SPRED3: variants seen among roughly 807,000 people sequenced by gnomAD.
SPRED3 encodes sprouty-related, EVH1 domain-containing protein 3.
SPRED3 carries 23 observed loss-of-function variants against 37.6 expected under a neutral mutation model. The observed-to-expected ratio is 0.61, with a 90% confidence interval of 0.44 to 0.87. The LOEUF (loss-of-function observed/expected upper bound fraction) is 0.87. SPRED3 is among the 40% of genes least tolerant of loss of function. SPRED3 has a pLI of 0.00. For synonymous variants in SPRED3, 302 were observed against 279.6 expected (o/e 1.08, Z -0.80); for missense variants, 584 against 618.6 (o/e 0.94, Z 0.59).
At position 38,395,603 on chromosome 19, in the gene SPRED3, C is replaced by T. The variant is rs539764306; in HGVS notation, c.691C>T (p.Pro231Ser). 110 of 1,551,950 alleles carry T rather than the reference C, an allele frequency of 7.1e-5. 1 individual carries two copies. The East Asian group carries it at 1.4e-3, about 19-fold the overall frequency. Residue 231 changes from proline to serine, a missense_variant, in exon 6 of 6, where the codon CCC (proline) becomes TCC (serine). Pro to Ser is a moderately conservative substitution (Grantham distance 74). Coordinates refer to ENST00000691638, the MANE Select transcript of SPRED3 (RefSeq NM_001394336.1). The surrounding 1 kb of genome is among the most constrained non-coding windows in gnomAD (Gnocchi z 5.2). The part of the protein sequence containing the change: ...EDYRRSGPPA[P>S]LALSTCVVRF... ...TTACCGGCGCTCCGGGCCACCCGCG[C>T]CCCTCGCCCTGTCCACCTGCGTCGT...
At chr19:38,394,214 T>G in intron 4 of SPRED3, 6 of 1,295,898 alleles carry the variant, frequency 4.6e-6, no homozygotes, top group Non-Finnish European at 6.1e-6. Context: ...AATAACAGTG[T>G]GGGGCTGGGA....
Position 38,395,834 on chromosome 19 carries a change from G to T in SPRED3, c.922G>T (p.Ala308Ser). 1 of 1,472,442 alleles carries T rather than the reference G, an allele frequency of 6.8e-7. No individual in the cohort carries two copies. The highest frequency in any genetic ancestry group is 8.9e-7 in the Non-Finnish European group (1 of 1,120,204). 91.2% of individuals were successfully genotyped at this position (1,472,442 alleles called of 1,614,324 possible). The change falls in exon 6 of 6, where the codon GCA (alanine) becomes TCA (serine). Residue 308 changes from alanine (A) to serine (S), a missense_variant. By Grantham distance (99) the Ala-to-Ser change is moderately conservative. Transcript: ENST00000691638. The surrounding 1 kb of genome is among the most constrained non-coding windows in gnomAD (Gnocchi z 5.2). ...VHCRALFRRR[A>S]DGRGGRCAEA... ...TTGCCGCGCGCTCTTCCGTCGCAGA[G>T]CAGACGGGCGTGGCGGCCGCTGCGC...
Position 38,397,061 on chromosome 19 carries a change from A to G in SPRED3, c.*916A>G, listed in dbSNP as rs1970907023. On this transcript the variant is annotated 3_prime_UTR_variant, in exon 6 of 6. Transcript: ENST00000691638. ...CACCCACCCCCAAGCCAGGGTTCTC[A>G]GGAGCTTTGGATATCATTTATAGGA... 1 of 152,180 alleles carries G rather than the reference A, an allele frequency of 6.6e-6. No homozygotes were observed. Among genetic ancestry groups the G allele is most frequent in the African/African-American group, 2.4e-5 (1 of 41,430 alleles). The allele number at this position is 152,180 out of a possible 1,614,324, so 9.4% of individuals were successfully genotyped here.
In SPRED3 at chr19:38,390,399, C is replaced by A; in HGVS notation, c.97C>A (p.Arg33=). Residue 33 remains arginine (R), a synonymous_variant, in exon 2 of 6, where the codon CGG becomes AGG. Coordinates refer to ENST00000691638, the MANE Select transcript of SPRED3 (RefSeq NM_001394336.1). ...GGGCCTCAGCCAGGTGAGCGTGTGT[C>A]GGGTCCGAGGGGCCAGGCCCGAGGG... The part of the protein sequence containing the change: ...GGGLSQVSVC[R]VRGARPEGGA... 7.2e-7 allele frequency: 1 copy of A among 1,385,876 alleles called. No individual in the cohort carries two copies. The highest frequency in any genetic ancestry group is 9.4e-7 in the Non-Finnish European group (1 of 1,065,706). The allele number at this position is 1,385,876 out of a possible 1,614,324, so 85.8% of individuals were successfully genotyped here. A position where few individuals can be genotyped will look rare whatever the true frequency, so the allele number is the denominator to read the frequency against.
chr19:38,398,669 GAAGATCTGGTGTCCTGTATGGGGGCCTC>G lies in SPRED3; in HGVS notation c.*2528_*2555del, dbSNP rs561018604. Reference sequence around the variant, plus strand: ...AGTGAAATGGGGCTTCCAGTGGATCGAAGATCTGGTGTCCTGTATGGGGGCCTCAAGGTCTTGGAGCAAGACAGTCTCA... The same window carrying G: ...AGTGAAATGGGGCTTCCAGTGGATCGAAGGTCTTGGAGCAAGACAGTCTCA... On this transcript the variant is annotated 3_prime_UTR_variant, in exon 6 of 6. Coordinates refer to ENST00000691638, the MANE Select transcript of SPRED3 (RefSeq NM_001394336.1). 3.0e-4 allele frequency: 46 copies of G among 152,292 alleles called. No individual in the cohort carries two copies. Among genetic ancestry groups the G allele is most frequent in the African/African-American group, 1.1e-3 (46 of 41,546 alleles). The allele number at this position is 152,292 out of a possible 1,614,324, so 9.4% of individuals were successfully genotyped here.
chr19:38,391,019 G>A (rs1014558067), intron 2 of SPRED3, among the ~76,000 whole-genome samples: 15 of 151,986 alleles, frequency 9.9e-5, no homozygotes, highest in Non-Finnish European at 1.9e-4. Flanking sequence ...TAGGGATGTA[G>A]TAGAAAGATA....
chr19:38,394,862 C>T lies in SPRED3; in HGVS notation c.567+76C>T, dbSNP rs1423979276. On this transcript the variant is annotated intron_variant, in intron 5 of 5. Transcript: ENST00000691638. ...GGCCCGAAGGGAGCGGGAGCCATGGCCCGGGGAGGTGGGGAACACAGATTC... is the reference window on the plus strand; with the variant it reads ...GGCCCGAAGGGAGCGGGAGCCATGGTCCGGGGAGGTGGGGAACACAGATTC... The T allele has an allele frequency of 1.7e-5, 24 of 1,440,202 alleles. No homozygotes were observed. In the South Asian group the frequency reaches 3.1e-4, roughly 19 times the overall value. The allele number at this position is 1,440,202 out of a possible 1,614,324, so 89.2% of individuals were successfully genotyped here. A position where few individuals can be genotyped will look rare whatever the true frequency, so the allele number is the denominator to read the frequency against.
Position 38,395,986 on chromosome 19 carries a change from G to T in SPRED3, c.1074G>T (p.Pro358=). The T allele has an allele frequency of 1.9e-5, 27 of 1,442,798 alleles. No homozygotes were observed. The highest frequency in any genetic ancestry group is 2.4e-5 in the Non-Finnish European group (26 of 1,102,354). 89.4% of individuals were successfully genotyped at this position (1,442,798 alleles called of 1,614,324 possible). ...GDFSDPCACE[P]GHPRPAARWA... ...TCTCGGACCCGTGCGCCTGCGAGCC[G>T]GGCCACCCGCGCCCCGCCGCGCGCT... The change falls in exon 6 of 6, where the codon CCG becomes CCT. Residue 358 remains proline (P), a synonymous_variant. Coordinates refer to ENST00000691638, the MANE Select transcript of SPRED3 (RefSeq NM_001394336.1). The surrounding 1 kb of genome is among the most constrained non-coding windows in gnomAD (Gnocchi z 5.2).
chr19:38,389,420 C>G (rs1970794651), intron 1 of SPRED3, among the ~76,000 whole-genome samples: 1 of 144,342 alleles, frequency 6.9e-6, no homozygotes, highest in South Asian at 2.1e-4. Flanking sequence ...ACACTGATCC[C>G]GATTACTGGG....
Position 38,390,324 on chromosome 19 carries a change from G to T in SPRED3, c.22G>T (p.Val8Leu). The change falls in exon 2 of 6, where the codon GTG (valine) becomes TTG (leucine). Residue 8 changes from valine to leucine, a missense_variant. Around this residue, in one of 7 missense-constraint regions of SPRED3, gnomAD observed 20 missense variants for 39.0 expected, o/e 0.51. Coordinates refer to ENST00000691638, the MANE Select transcript of SPRED3 (RefSeq NM_001394336.1). MVRVRAVVMARDDSSGGW... is the reference protein window; with the variant it reads MVRVRAVLMARDDSSGGW... The stretch of plus-strand genomic sequence containing the variant: ...GTACATGGTGCGGGTCCGAGCTGTG[G>T]TGATGGCCCGAGATGACTCCAGTGG... 2 of 1,366,248 alleles carry T rather than the reference G, an allele frequency of 1.5e-6. No individual in the cohort carries two copies. Among genetic ancestry groups the T allele is most frequent in the Non-Finnish European group, 1.9e-6 (2 of 1,052,166 alleles). The allele number at this position is 1,366,248 out of a possible 1,614,324, so 84.6% of individuals were successfully genotyped here. A position where few individuals can be genotyped will look rare whatever the true frequency, so the allele number is the denominator to read the frequency against.
rs576492940 is a variant in SPRED3, at chr19:38,389,871, T to TG, written c.-4-427dup. 3.1e-3 allele frequency: 474 copies of TG among 151,944 alleles called. 5 individuals carry two copies. The highest frequency in any genetic ancestry group is 0.011 in the African/African-American group (443 of 40,932). The allele number at this position is 151,944 out of a possible 1,614,324, so 9.4% of individuals were successfully genotyped here. On this transcript the variant is annotated intron_variant, in intron 1 of 5. Transcript: ENST00000691638. ...AGGGTTGGGAGAACAGGAGCTGAGT[T>TG]GATGGGCCCAGAGAAAATATATATG...
At position 38,390,354 on chromosome 19, in the gene SPRED3, T is replaced by C; in HGVS notation, c.52T>C (p.Trp18Arg). ...GGCCCGAGATGACTCCAGTGGGGGC[T>C]GGCTGCCTGTGGGGGGCGGGGGCCT... ...VMARDDSSGG[W>R]LPVGGGGLSQ... The change falls in exon 2 of 6, where the codon TGG (tryptophan) becomes CGG (arginine). Residue 18 changes from tryptophan to arginine, a missense_variant. Coordinates refer to ENST00000691638, the MANE Select transcript of SPRED3 (RefSeq NM_001394336.1). 7.4e-7 allele frequency: 1 copy of C among 1,351,656 alleles called. No homozygotes were observed. The highest frequency in any genetic ancestry group is 9.6e-7 in the Non-Finnish European group (1 of 1,044,876). 83.7% of individuals were successfully genotyped at this position (1,351,656 alleles called of 1,614,324 possible). A position where few individuals can be genotyped will look rare whatever the true frequency, so the allele number is the denominator to read the frequency against.
rs1010221395 is a variant in SPRED3, at chr19:38,388,826, G to A, written c.-5+19G>A. 3.8e-5 allele frequency: 15 copies of A among 397,506 alleles called. No individual in the cohort carries two copies. The highest frequency in any genetic ancestry group is 2.5e-4 in the African/African-American group (12 of 48,566). 24.6% of individuals were successfully genotyped at this position (397,506 alleles called of 1,614,324 possible). Reference sequence around the variant, plus strand: ...CTCGCAGGCAGGTGCCGAGGGGGGCGAGGGGGCGGGGGCTGACAGACTGCC... The same window carrying A: ...CTCGCAGGCAGGTGCCGAGGGGGGCAAGGGGGCGGGGGCTGACAGACTGCC... On this transcript the variant is annotated intron_variant, in intron 1 of 5. Coordinates refer to ENST00000691638, the MANE Select transcript of SPRED3 (RefSeq NM_001394336.1).
At chr19:38,394,419 A>C in intron 4 of SPRED3, 1 of 1,523,586 alleles carries the variant, frequency 6.6e-7, no homozygotes, top group Non-Finnish European at 9.1e-7. Flanking sequence ...CCGCATCCTT[A>C]TGAATAGGTA....
Position 38,396,088 on chromosome 19 carries a change from C to A in SPRED3, c.1176C>A (p.Val392=). Residue 392 remains valine, a synonymous_variant, in exon 6 of 6, where the codon GTC becomes GTA. Coordinates refer to ENST00000691638, the MANE Select transcript of SPRED3 (RefSeq NM_001394336.1). The stretch of plus-strand genomic sequence containing the variant: ...CGCCCCTGCGCGCGTGCCACTGGGT[C>A]GCAGCGCGATGCGGCTGCGCCGGCT... ...CYAPLRACHW[V]AARCGCAGCG... The A allele has an allele frequency of 1.5e-6, 2 of 1,319,262 alleles. No individual in the cohort carries two copies. Among genetic ancestry groups the A allele is most frequent in the Admixed American group, 3.7e-5 (1 of 26,960 alleles). The allele number at this position is 1,319,262 out of a possible 1,614,324, so 81.7% of individuals were successfully genotyped here.
chr19:38,393,673 T>C (rs1970860056), intron 4 of SPRED3, among the ~76,000 whole-genome samples: 1 of 152,200 alleles, frequency 6.6e-6, no homozygotes, highest in Admixed American at 6.5e-5. Context: ...CATGCTAGAA[T>C]GTCAGCTCCA....
rs980959156 is a variant in SPRED3 at position 38,395,673 on chromosome 19, C to T, written c.761C>T (p.Pro254Leu). 1.0e-5 allele frequency: 15 copies of T among 1,502,470 alleles called. No homozygotes were observed. The highest frequency in any genetic ancestry group is 2.2e-4 in the Middle Eastern group (1 of 4,446). 93.1% of individuals were successfully genotyped at this position (1,502,470 alleles called of 1,614,324 possible). A position where few individuals can be genotyped will look rare whatever the true frequency, so the allele number is the denominator to read the frequency against. Residue 254 changes from proline (P) to leucine (L), a missense_variant, in exon 6 of 6, where the codon CCC (proline) becomes CTC (leucine). Physicochemically the swap from Pro to Leu is moderately conservative, Grantham distance 98 (BLOSUM62 -3). Transcript: ENST00000691638. This position sits in a 1 kb window ranked among gnomAD's most constrained non-coding sequence, Gnocchi z 5.2. ...GCGTTGAGGGGCGCTGCCCTGGGTC[C>T]CCCAGCGGCACTACCTGCCCCTTTG... ...TGALRGAALG[P>L]PAALPAPLTE...
Position 38,392,112 on chromosome 19 carries a change from G to A in SPRED3, c.344G>A (p.Arg115Gln), listed in dbSNP as rs553408047. ...CTGGCTGCGCTGGCCGCACTGGGTCGAGGTGAGCAGCCCAGGTGATGTGCA... is the reference window on the plus strand; with the variant it reads ...CTGGCTGCGCTGGCCGCACTGGGTCAAGGTGAGCAGCCCAGGTGATGTGCA... ...SLLAALAALGRGSLTPSSSSS... is the reference protein window; with the variant it reads ...SLLAALAALGQGSLTPSSSSS... Residue 115 changes from arginine (R) to glutamine (Q), a missense_variant and splice_region_variant, in exon 3 of 6, where the codon CGA becomes CAA. Arg to Gln is a conservative substitution (Grantham distance 43). Coordinates refer to ENST00000691638, the MANE Select transcript of SPRED3 (RefSeq NM_001394336.1). 306 of 1,614,130 alleles carry A rather than the reference G, an allele frequency of 1.9e-4. 3 individuals are homozygous for A. The South Asian group carries it at 2.8e-3, about 15-fold the overall frequency.
chr19:38,388,810 A>G lies in SPRED3; in HGVS notation c.-5+3A>G. ...GGAGCCCGGCCGGAGCCTCGCAGGC[A>G]GGTGCCGAGGGGGGCGAGGGGGCGG... On this transcript the variant is annotated splice_donor_region_variant and intron_variant, in intron 1 of 5. Transcript: ENST00000691638. 2.5e-6 allele frequency: 1 copy of G among 397,628 alleles called. No individual in the cohort carries two copies. The allele number at this position is 397,628 out of a possible 1,614,324, so 24.6% of individuals were successfully genotyped here.
Sources: allele counts gnomAD v4.1 joint callset (sites outside exome capture counted in the v4.1 genomes callset), GRCh38; gene constraint gnomAD v4.1.1; regional missense constraint gnomAD v4.1.1; non-coding constraint Gnocchi (gnomAD v3.1); transcripts MANE v1.5; gene names NCBI Gene and HGNC (gene_info 2026-07-23, HGNC 2026-07-21).